The following XKR4 variants were observed in gnomAD, a reference collection of about 807,000 sequenced individuals.
XKR4 encodes the protein XK related 4.
In XKR4, 12 loss-of-function variants were observed where a neutral mutation model predicts 53.9. The ratio of observed to expected loss-of-function variants is 0.22; its 90% CI spans 0.14 to 0.36. XKR4 has a LOEUF of 0.36. XKR4 is among the 10% of genes least tolerant of loss of function. XKR4 has a pLI of 1.00. For missense variants in XKR4, 799 were observed against 859.5 expected, an observed-to-expected ratio of 0.93 and a Z score of 0.88; for synonymous variants, 354 against 362.4, an observed-to-expected ratio of 0.98 and a Z score of 0.26.
At chr8:55,411,341 T>C (rs1026480844) in intron 2 of XKR4, among the ~76,000 whole-genome samples, 1 of 152,158 alleles carries the variant, frequency 6.6e-6, no homozygotes, top group Non-Finnish European at 1.5e-5. Context: ...CTCATATTTG[T>C]ATAGTGTGTA....
chr8:55,402,785 C>T (rs762248838), intron 2 of XKR4, among the ~76,000 whole-genome samples: 1 of 152,118 alleles, frequency 6.6e-6, no homozygotes, highest in Admixed American at 6.5e-5. Flanking sequence ...GCAAGAGAAG[C>T]AGACAAGGGC....
rs1202035115 is a variant in XKR4 at position 55,530,201 on chromosome 8, AAGGAAGG to A, written c.*5977_*5983del. Reference sequence around the variant, plus strand: ...GAAGGAAGGAAGGAAGGAAGGAAGGAAGGAAGGAGATTTAACAAGTCTTTGAAGTGAT... The same window carrying A: ...GAAGGAAGGAAGGAAGGAAGGAAGGAAGATTTAACAAGTCTTTGAAGTGAT... On this transcript the variant is annotated 3_prime_UTR_variant, in exon 3 of 3. Transcript: ENST00000327381. The A allele has an allele frequency of 8.5e-5, 9 of 105,814 alleles. No homozygotes were observed. Among genetic ancestry groups the A allele is most frequent in the South Asian group, 3.2e-4 (1 of 3,128 alleles). 6.6% of individuals were successfully genotyped at this position (105,814 alleles called of 1,614,324 possible). A position where few individuals can be genotyped will look rare whatever the true frequency, so the allele number is the denominator to read the frequency against.
At chr8:55,274,794 A>C (rs991183136) in intron 1 of XKR4, among the ~76,000 whole-genome samples, 4 of 151,772 alleles carry the variant, frequency 2.6e-5, no homozygotes, top group African/African-American at 9.7e-5. Context: ...TAACTTAATC[A>C]CCTCTTCAGA....
rs774920454 is a variant in XKR4 at position 55,495,830 on chromosome 8, C to G, written c.1007-27451C>G. On this transcript the variant is annotated intron_variant, in intron 2 of 2. Coordinates refer to ENST00000327381, the MANE Select transcript of XKR4 (RefSeq NM_052898.2). ...GCAGCTGCTTCTGCTGCCACTGCTA[C>G]TGCCTCTTCGCTGCAGCTGGTGGCC... Among the ~76,000 whole-genome samples, 54 of 152,266 alleles carry G rather than the reference C, an allele frequency of 3.5e-4. 1 individual carries two copies. Among genetic ancestry groups the G allele is most frequent in the Non-Finnish European group, 1.2e-4 (8 of 68,040 alleles).
chr8:55,274,414 A>G (rs1319488557), intron 1 of XKR4, among the ~76,000 whole-genome samples: 1 of 150,786 alleles, frequency 6.6e-6, no homozygotes, highest in African/African-American at 2.4e-5. Flanking sequence ...TTTGTTGAAT[A>G]TATCTGTGGG....
At chr8:55,189,917 A>G (rs1266822722) in intron 1 of XKR4, among the ~76,000 whole-genome samples, 1 of 152,194 alleles carries the variant, frequency 6.6e-6, no homozygotes, top group Non-Finnish European at 1.5e-5. Context: ...TCACATTTCA[A>G]CTAAGCCATA....
chr8:55,431,626 C>T (rs13439780), intron 2 of XKR4, among the ~76,000 whole-genome samples: 33,129 of 152,150 alleles, frequency 0.22, 9,343 homozygotes, highest in African/African-American at 0.65. Flanking sequence ...AAACATAAGA[C>T]AGATAGTGTG....
chr8:55,397,728 G>T (rs1015911769), intron 2 of XKR4, among the ~76,000 whole-genome samples: 6 of 152,158 alleles, frequency 3.9e-5, no homozygotes, highest in Non-Finnish European at 5.9e-5. Context: ...GTCACAGTCA[G>T]CTCATTTTCA....
intron 2 of XKR4, among the ~76,000 whole-genome samples, chr8:55,380,799 T>C (rs1804220938): frequency 6.6e-6 from 1 of 152,256 alleles, no homozygotes; most frequent in Non-Finnish European, 1.5e-5. Flanking sequence ...TAGTAACTGC[T>C]CTGTGCTTAG....
At chr8:55,229,416 A>C (rs1818000544) in intron 1 of XKR4, among the ~76,000 whole-genome samples, 3 of 152,244 alleles carry the variant, frequency 2.0e-5, no homozygotes, top group Admixed American at 2.0e-4. Flanking sequence ...TGTCTCCGTC[A>C]GTCGTTTCAG....
At chr8:55,319,223 A>G (rs2129379214) in intron 1 of XKR4, among the ~76,000 whole-genome samples, 1 of 152,280 alleles carries the variant, frequency 6.6e-6, no homozygotes, top group Admixed American at 6.5e-5. Flanking sequence ...TTTCTTTAAA[A>G]AAATCAAAAG....
chr8:55,285,126 CT>C (rs1818891788), intron 1 of XKR4, among the ~76,000 whole-genome samples: 1 of 152,196 alleles, frequency 6.6e-6, no homozygotes, highest in South Asian at 2.1e-4. Context: ...TTTGTAAGGG[CT>C]TTACTACTTG....
intron 2 of XKR4, among the ~76,000 whole-genome samples, chr8:55,385,866 G>T (rs1804301854): frequency 6.6e-6 from 1 of 152,096 alleles, no homozygotes; most frequent in African/African-American, 2.4e-5. Flanking sequence ...CAAACAAAAA[G>T]AACTGGCAAT....
intron 1 of XKR4, among the ~76,000 whole-genome samples, chr8:55,217,607 C>T (rs1333992835): frequency 2.0e-5 from 3 of 152,196 alleles, no homozygotes; most frequent in Admixed American, 6.5e-5. Context: ...ATATTCAAAG[C>T]ATGGACTATT....
rs185314994 is a variant in XKR4 at position 55,462,137 on chromosome 8, C to A, written c.1007-61144C>A. Among the ~76,000 whole-genome samples the A allele has an allele frequency of 3.7e-3, 558 of 152,248 alleles. 17 individuals are homozygous for A. The East Asian group carries it at 0.078, about 21-fold the overall frequency. On this transcript the variant is annotated intron_variant, in intron 2 of 2. Transcript: ENST00000327381. ...AAATACAGAGAATGTCACAAAGATACTCCTCGAGAAGAGCAACTCCAAGAC... is the reference window on the plus strand; with the variant it reads ...AAATACAGAGAATGTCACAAAGATAATCCTCGAGAAGAGCAACTCCAAGAC...
intron 2 of XKR4, among the ~76,000 whole-genome samples, chr8:55,362,149 C>T (rs1279090313): frequency 6.6e-6 from 1 of 152,180 alleles, no homozygotes; most frequent in East Asian, 1.9e-4. Flanking sequence ...GCTTCTTAGG[C>T]TTGATCTTGC....
chr8:55,271,521 C>T (rs1818690794), intron 1 of XKR4, among the ~76,000 whole-genome samples: 1 of 152,194 alleles, frequency 6.6e-6, no homozygotes, highest in African/African-American at 2.4e-5. Flanking sequence ...ATATGCAGAG[C>T]CTGCTGTAGC....
At chr8:55,213,859 T>TC (rs1277579033) in intron 1 of XKR4, among the ~76,000 whole-genome samples, 6 of 87,146 alleles carry the variant, frequency 6.9e-5, no homozygotes, top group Admixed American at 1.0e-4. Context: ...TTTCTTTCTT[T>TC]TTTTTTTTTT....
intron 2 of XKR4, chr8:55,452,436 G>T (rs1805465636): frequency 3.2e-6 from 2 of 622,382 alleles, no homozygotes; most frequent in Middle Eastern, 2.6e-4. Flanking sequence ...TGGCCACCCC[G>T]CACTGCCCGC....
Sources: gnomAD v4.1 joint callset for allele counts (sites outside exome capture counted in the v4.1 genomes callset) on GRCh38, gnomAD v4.1.1 for gene constraint, MANE v1.5 for transcripts, NCBI Gene and HGNC (gene_info 2026-07-23, HGNC 2026-07-21) for gene names.